CDYL2: variants seen among roughly 807,000 people sequenced by gnomAD.
CDYL2 encodes chromodomain Y-like protein 2.
In CDYL2, 23 loss-of-function variants were observed where a neutral mutation model predicts 49.4. The ratio of observed to expected loss-of-function variants is 0.47; its 90% confidence interval spans 0.34 to 0.66. CDYL2 has a LOEUF of 0.66. CDYL2 is among the 30% of genes least tolerant of loss of function. CDYL2 has a pLI of 0.01. For synonymous variants in CDYL2, 360 were observed against 268.8 expected (o/e 1.34, Z -3.32); for missense variants, 678 against 656.4 (o/e 1.03, Z -0.36).
chr16:80,724,292 G>C (rs764978216), intron 1 of CDYL2, among the ~76,000 whole-genome samples: 2 of 151,014 alleles, frequency 1.3e-5, no homozygotes, highest in African/African-American at 2.4e-5. Flanking sequence ...GAAGAGGAAA[G>C]AAAGGAGAAG....
In CDYL2 at chr16:80,804,413, C is replaced by G. The variant is rs1908035288; in HGVS notation, c.-240G>C. 1 of 159,894 alleles carries G rather than the reference C, an allele frequency of 6.3e-6. No individual in the cohort carries two copies. The highest frequency in any genetic ancestry group is 1.3e-5 in the Non-Finnish European group (1 of 77,138). 9.9% of individuals were successfully genotyped at this position (159,894 alleles called of 1,614,324 possible). A position where few individuals can be genotyped will look rare whatever the true frequency, so the allele number is the denominator to read the frequency against. On this transcript the variant is annotated 5_prime_UTR_variant, in exon 1 of 7. Coordinates refer to ENST00000570137, the MANE Select transcript of CDYL2 (RefSeq NM_152342.4). ...GCAGCAGCGGCGGCGGCGGCGGCGGCGGCACGAGCGCGGGCAGCAGCGACG... is the reference window on the plus strand; with the variant it reads ...GCAGCAGCGGCGGCGGCGGCGGCGGGGGCACGAGCGCGGGCAGCAGCGACG...
At chr16:80,691,600 T>C (rs1437946897) in intron 1 of CDYL2, among the ~76,000 whole-genome samples, 1 of 152,156 alleles carries the variant, frequency 6.6e-6, no homozygotes, top group Non-Finnish European at 1.5e-5. Flanking sequence ...ACAAAATTAG[T>C]AATAGCAGCA....
At chr16:80,673,163 C>CA (rs1909601090) in intron 2 of CDYL2, among the ~76,000 whole-genome samples, 1 of 151,788 alleles carries the variant, frequency 6.6e-6, no homozygotes. Context: ...ACTAAAAGTA[C>CA]AAAAAAATTA....
At chr16:80,630,060 A>T (rs1362586543) in intron 3 of CDYL2, among the ~76,000 whole-genome samples, 1 of 152,222 alleles carries the variant, frequency 6.6e-6, no homozygotes, top group Non-Finnish European at 1.5e-5. Context: ...GGTCTGCTAG[A>T]CTAAAACCTG....
chr16:80,617,475 A>C (rs1906882597), intron 4 of CDYL2, among the ~76,000 whole-genome samples: 1 of 152,198 alleles, frequency 6.6e-6, no homozygotes, highest in African/African-American at 2.4e-5. Flanking sequence ...AGCTCCTTTC[A>C]ATGACAGTGC....
intron 2 of CDYL2, among the ~76,000 whole-genome samples, chr16:80,684,196 G>C (rs1051319974): frequency 1.3e-5 from 2 of 152,190 alleles, no homozygotes; most frequent in Non-Finnish European, 2.9e-5. Flanking sequence ...CACGTGTCTT[G>C]GGTCCTGGGG....
chr16:80,747,823 G>A (rs780732446), intron 1 of CDYL2, among the ~76,000 whole-genome samples: 1 of 152,016 alleles, frequency 6.6e-6, no homozygotes, highest in Non-Finnish European at 1.5e-5. Context: ...CCTATTTATG[G>A]CTTCCTCTGG....
rs1910138427 is a variant in CDYL2, at chr16:80,685,143, T to C, written c.25-14A>G. 2 of 1,586,488 alleles carry C rather than the reference T, an allele frequency of 1.3e-6. No individual in the cohort carries two copies. The highest frequency in any genetic ancestry group is 1.7e-5 in the Admixed American group (1 of 58,814). On this transcript the variant is annotated splice_polypyrimidine_tract_variant and intron_variant, in intron 1 of 6. Transcript: ENST00000570137. ...AATCCTTTCAACCTGCGATACAAGATGAGAGGGTCAGAAAACAGAGAGAGA... is the reference window on the plus strand; with the variant it reads ...AATCCTTTCAACCTGCGATACAAGACGAGAGGGTCAGAAAACAGAGAGAGA...
intron 1 of CDYL2, among the ~76,000 whole-genome samples, chr16:80,762,196 TA>T (rs1169420163): frequency 6.6e-6 from 1 of 151,042 alleles, no homozygotes. Context: ...AATAAATAAA[TA>T]AAAAACAAAA....
intron 1 of CDYL2, chr16:80,736,566 G>C (rs1434042802): frequency 6.6e-6 from 1 of 152,206 alleles, no homozygotes; most frequent in East Asian, 1.9e-4. Flanking sequence ...GGACAGCAAT[G>C]TGGCTGAACA....
chr16:80,797,532 T>C (rs750753731), intron 1 of CDYL2, among the ~76,000 whole-genome samples: 8 of 152,284 alleles, frequency 5.3e-5, no homozygotes, highest in Non-Finnish European at 8.8e-5. Context: ...ATGGAGAGAA[T>C]ACTCAACTTT....
intron 1 of CDYL2, among the ~76,000 whole-genome samples, chr16:80,685,978 G>C (rs756927730): frequency 2.2e-4 from 33 of 152,210 alleles, no homozygotes; most frequent in Non-Finnish European, 2.1e-4. Flanking sequence ...CAAAGAGATA[G>C]GTAACATTTG....
At chr16:80,769,671 C>T (rs974490822) in intron 1 of CDYL2, among the ~76,000 whole-genome samples, 1 of 152,170 alleles carries the variant, frequency 6.6e-6, no homozygotes, top group Non-Finnish European at 1.5e-5. Context: ...GAACAGGAAA[C>T]CAGTACTTTT....
chr16:80,750,795 G>A (rs185707734), intron 1 of CDYL2, among the ~76,000 whole-genome samples: 17 of 152,260 alleles, frequency 1.1e-4, no homozygotes, highest in African/African-American at 3.6e-4. Flanking sequence ...CGAGGCAGGC[G>A]GATCACGAGC....
At position 80,604,369 on chromosome 16, in the gene CDYL2, G is replaced by C; in HGVS notation, c.*19C>G. 2 of 1,613,476 alleles carry C rather than the reference G, an allele frequency of 1.2e-6. No homozygotes were observed. Among genetic ancestry groups the C allele is most frequent in the Non-Finnish European group, 1.7e-6 (2 of 1,179,808 alleles). Reference sequence around the variant, plus strand: ...CACAGGGCAGAGCTGGAAGTTGGGGGCCCGTGAGCTGGGGCCCCTCAGACT... The same window carrying C: ...CACAGGGCAGAGCTGGAAGTTGGGGCCCCGTGAGCTGGGGCCCCTCAGACT... On this transcript the variant is annotated 3_prime_UTR_variant, in exon 7 of 7. Transcript: ENST00000570137.
chr16:80,712,086 T>C (rs184423508), intron 1 of CDYL2, among the ~76,000 whole-genome samples: 2 of 149,430 alleles, frequency 1.3e-5, no homozygotes, highest in Admixed American at 1.3e-4. Context: ...TATAGATGTG[T>C]GTGTATATAT....
At chr16:80,630,119 G>A (rs1034035079) in intron 3 of CDYL2, among the ~76,000 whole-genome samples, 4 of 152,044 alleles carry the variant, frequency 2.6e-5, no homozygotes, top group South Asian at 2.1e-4. Context: ...CCTTCATTAC[G>A]GGCTGCTTTA....
Position 80,678,822 on chromosome 16 carries a change from T to C in CDYL2, c.616+5716A>G, listed in dbSNP as rs530225805. On this transcript the variant is annotated intron_variant, in intron 2 of 6. Transcript: ENST00000570137. Reference sequence around the variant, plus strand: ...AAAGACACATGCACACGTATGTTTATTGCGGCACTATTCACAATAGCAAAG... The same window carrying C: ...AAAGACACATGCACACGTATGTTTACTGCGGCACTATTCACAATAGCAAAG... Among the ~76,000 whole-genome samples, 320 of 151,344 alleles carry C rather than the reference T, an allele frequency of 2.1e-3. 4 individuals are homozygous for C. Among genetic ancestry groups the C allele is most frequent in the African/African-American group, 7.4e-3 (303 of 40,902 alleles).
rs190122025 is a variant in CDYL2 at position 80,633,670 on chromosome 16, C to T, written c.617-434G>A. Among the ~76,000 whole-genome samples, 34 of 152,254 alleles carry T rather than the reference C, an allele frequency of 2.2e-4. No individual in the cohort carries two copies. The East Asian group carries it at 5.0e-3, about 23-fold the overall frequency. ...TAAGCACCACCCTCAAATACATTCA[C>T]GAGCATGACCTTATTTAATATGAGA... On this transcript the variant is annotated intron_variant, in intron 2 of 6. Transcript: ENST00000570137.
Sources: gnomAD v4.1 joint callset for allele counts (sites outside exome capture counted in the v4.1 genomes callset) on GRCh38, gnomAD v4.1.1 for gene constraint, MANE v1.5 for transcripts, NCBI Gene and HGNC (gene_info 2026-07-23, HGNC 2026-07-21) for gene names.